IST1: variants seen among roughly 807,000 people sequenced by gnomAD.
IST1 encodes IST1 homolog.
Under a neutral mutation model 37.0 loss-of-function variants are expected in IST1, and 23 were observed. That is an observed-to-expected ratio of 0.62 (90% CI 0.45 to 0.88). The LOEUF is 0.88. IST1 is among the 40% of genes least tolerant of loss of function. The probability of loss-of-function intolerance (pLI) is 0.00; values close to 1 mark genes in which losing one functional copy is unlikely to be tolerated. For missense variants in IST1, 488 were observed against 445.4 expected (o/e 1.10, Z -0.86); for synonymous variants, 180 against 161.7 (o/e 1.11, Z -0.86).
In IST1 at chr16:71,916,539, G is replaced by A; in HGVS notation, c.166G>A (p.Val56Met). Residue 56 changes from valine to methionine, a missense_variant, in exon 3 of 10, where the codon GTG (valine) becomes ATG (methionine). By Grantham distance (21) the Val-to-Met change is conservative (BLOSUM62 1). Transcript: ENST00000378799. The part of the protein sequence containing the change: ...AGKDERARIR[V>M]EHIIREDYLV... ...GAAAGATGAACGAGCTCGGATCCGT[G>A]TGGAGCACATTATCCGGGAAGACTA... 6.2e-7 allele frequency: 1 copy of A among 1,613,920 alleles called. No individual in the cohort carries two copies. Among genetic ancestry groups the A allele is most frequent in the African/African-American group, 1.3e-5 (1 of 75,052 alleles).
chr16:71,927,896 C>G lies in IST1; in HGVS notation c.*83C>G, dbSNP rs1481918575. On this transcript the variant is annotated 3_prime_UTR_variant, in exon 10 of 10. Transcript: ENST00000378799. ...TGTAACAAAGAATCTCCATGAAATTCTGTTTCATCTGTTAACCGTCACTCA... is the reference window on the plus strand; with the variant it reads ...TGTAACAAAGAATCTCCATGAAATTGTGTTTCATCTGTTAACCGTCACTCA... 1.0e-6 allele frequency: 1 copy of G among 956,628 alleles called. No individual in the cohort carries two copies. Among genetic ancestry groups the G allele is most frequent in the East Asian group, 2.4e-5 (1 of 41,888 alleles). The allele number at this position is 956,628 out of a possible 1,614,324, so 59.3% of individuals were successfully genotyped here.
rs1489402030 is a variant in IST1, at chr16:71,927,724, G to A, written c.1012G>A (p.Ala338Thr). 1.2e-6 allele frequency: 2 copies of A among 1,613,742 alleles called. No individual in the cohort carries two copies. Among genetic ancestry groups the A allele is most frequent in the Non-Finnish European group, 1.7e-6 (2 of 1,179,680 alleles). The change falls in exon 10 of 10, where the codon GCA becomes ACA. Residue 338 changes from alanine (A) to threonine (T), a missense_variant. Around this residue, in one of 2 missense-constraint regions of IST1, gnomAD observed 455 missense variants for 386.2 expected, o/e 1.18. Coordinates refer to ENST00000378799, the MANE Select transcript of IST1 (RefSeq NM_001270975.2). ...LPSVPDTLPT[A>T]SAGASTSASE... ...ATCTGTGCCAGACACACTACCAACT[G>A]CATCTGCTGGTGCCAGCACCTCAGC...
At chr16:71,909,502 G>T (rs2037304815) in intron 1 of IST1, among the ~76,000 whole-genome samples, 1 of 152,152 alleles carries the variant, frequency 6.6e-6, no homozygotes, top group Non-Finnish European at 1.5e-5. Context: ...ACAAATTTCT[G>T]TGGTGGTGCG....
chr16:71,901,526 T>C (rs901954117), intron 1 of IST1, among the ~76,000 whole-genome samples: 32 of 152,186 alleles, frequency 2.1e-4, no homozygotes, highest in Admixed American at 2.0e-3. Context: ...TCTTTTGCTT[T>C]AAATTCGTTT....
At chr16:71,913,597 C>G (rs1229341463) in intron 1 of IST1, among the ~76,000 whole-genome samples, 1 of 152,100 alleles carries the variant, frequency 6.6e-6, no homozygotes, top group Admixed American at 6.6e-5. Flanking sequence ...GCTTCTGGGA[C>G]TCCAGCAATC....
upstream of IST1, chr16:71,894,669 G>C: frequency 1.8e-6 from 1 of 551,032 alleles, no homozygotes; most frequent in Non-Finnish European, 3.2e-6. Context: ...GAGACCACAA[G>C]TGCTCACTGC....
intron 4 of IST1, among the ~76,000 whole-genome samples, chr16:71,918,185 T>C (rs1469112525): frequency 6.6e-6 from 1 of 152,214 alleles, no homozygotes. Context: ...CTGCCAGCAT[T>C]TCTGAGAGCC....
intron 7 of IST1, 134 bp downstream of exon 7, chr16:71,922,814 A>G: frequency 2.8e-6 from 2 of 712,280 alleles, no homozygotes; most frequent in Non-Finnish European, 4.7e-6. Flanking sequence ...GCTGGCAGTC[A>G]TCTTGTGGGG....
chr16:71,903,686 A>G (rs2037158729), intron 1 of IST1: 2 of 152,186 alleles, frequency 1.3e-5, no homozygotes, highest in African/African-American at 4.8e-5. Flanking sequence ...GGTGAGAGCT[A>G]CCATGCCTGG....
chr16:71,915,182 T>A (rs1271090240), intron 1 of IST1, among the ~76,000 whole-genome samples: 1 of 152,186 alleles, frequency 6.6e-6, no homozygotes, highest in Non-Finnish European at 1.5e-5. Flanking sequence ...TTTAATCATC[T>A]TCCCCCATTG....
chr16:71,897,336 C>T (rs1213481820), intron 1 of IST1, among the ~76,000 whole-genome samples: 2 of 152,092 alleles, frequency 1.3e-5, no homozygotes, highest in African/African-American at 2.4e-5. Flanking sequence ...CATCCAGTTT[C>T]GTATATCTTA....
intron 1 of IST1, among the ~76,000 whole-genome samples, chr16:71,901,658 T>C (rs1003870620): frequency 1.3e-5 from 2 of 152,234 alleles, no homozygotes; most frequent in African/African-American, 4.8e-5. Flanking sequence ...ATCTGTTGAA[T>C]AGGAGTTGAA....
In IST1 at chr16:71,897,736, A is replaced by G. The variant is rs181761078; in HGVS notation, c.-16+2147A>G. The stretch of plus-strand genomic sequence containing the variant: ...CGAGGCGGGTGGATCACCTGAGGTC[A>G]GGAGTTTGAGACCAGCCTGGACAAC... On this transcript the variant is annotated intron_variant, in intron 1 of 9. Coordinates refer to ENST00000378799, the MANE Select transcript of IST1 (RefSeq NM_001270975.2). Among the ~76,000 whole-genome samples, 351 of 152,096 alleles carry G rather than the reference A, an allele frequency of 2.3e-3. 2 individuals carry two copies. The highest frequency in any genetic ancestry group is 3.5e-3 in the Non-Finnish European group (238 of 67,986).
chr16:71,917,966 C>T (rs960534305), intron 4 of IST1, among the ~76,000 whole-genome samples: 9 of 152,220 alleles, frequency 5.9e-5, no homozygotes, highest in East Asian at 1.9e-4. Context: ...CCTTGGCTGT[C>T]GGTTTACATT....
At chr16:71,894,985 C>T, upstream of IST1, 1 of 681,036 alleles carries the variant, frequency 1.5e-6, no homozygotes, top group Non-Finnish European at 2.5e-6. Context: ...CAAAGGGCAA[C>T]CGGACGGCTT....
At chr16:71,915,361 C>G (rs2037444692) in intron 1 of IST1, among the ~76,000 whole-genome samples, 1 of 152,150 alleles carries the variant, frequency 6.6e-6, no homozygotes, top group Non-Finnish European at 1.5e-5. Context: ...CACTGCTAAC[C>G]ACCCTAGTCT....
rs1410775352 is a variant in IST1 at position 71,929,145 on chromosome 16, G to C, written c.*1332G>C. 5.8e-6 allele frequency: 1 copy of C among 171,242 alleles called. No individual in the cohort carries two copies. Among genetic ancestry groups the C allele is most frequent in the African/African-American group, 2.4e-5 (1 of 41,750 alleles). 10.6% of individuals were successfully genotyped at this position (171,242 alleles called of 1,614,324 possible). On this transcript the variant is annotated 3_prime_UTR_variant, in exon 10 of 10. Transcript: ENST00000378799. ...CAGTACAGAGCTCATTTTGATCTCTGTATTTAGATAGCCCAGATAGCATCT... is the reference window on the plus strand; with the variant it reads ...CAGTACAGAGCTCATTTTGATCTCTCTATTTAGATAGCCCAGATAGCATCT...
At chr16:71,924,697 CAG>C (rs779837648) in intron 8 of IST1, 70 bp from the exon 9 acceptor site, 33 of 1,189,086 alleles carry the variant, frequency 2.8e-5, no homozygotes, top group Middle Eastern at 1.9e-4. Context: ...TTTGGAAACA[CAG>C]GGGCTTACAC....
intron 1 of IST1, among the ~76,000 whole-genome samples, chr16:71,907,646 G>C (rs764265642): frequency 2.6e-5 from 4 of 152,090 alleles, no homozygotes; most frequent in Admixed American, 6.6e-5. Context: ...CTACAGATCT[G>C]TAAGGCTTTG....
Sources: gnomAD v4.1 joint callset for allele counts (sites outside exome capture counted in the v4.1 genomes callset) on GRCh38, gnomAD v4.1.1 for gene constraint, gnomAD v4.1.1 regional missense constraint, MANE v1.5 for transcripts, NCBI Gene and HGNC (gene_info 2026-07-23, HGNC 2026-07-21) for gene names.